Variants in UNKL observed in about 807,000 individuals in gnomAD.
UNKL encodes unk like zinc finger, also known as putative E3 ubiquitin-protein ligase UNKL.
A neutral mutation model predicts 78.0 loss-of-function variants in UNKL; 60 were observed. The ratio of observed to expected loss-of-function variants is 0.77; its 90% CI spans 0.63 to 0.95. The LOEUF is 0.95. UNKL is among the 40% of genes least tolerant of loss of function. The pLI is 0.00. For missense variants in UNKL, 1,159 were observed against 1,045.7 expected (o/e 1.11, Z -1.49); for synonymous variants, 608 against 474.8 (o/e 1.28, Z -3.65).
intron 4 of UNKL, among the ~76,000 whole-genome samples, chr16:1,400,505 G>A (rs2037478561): frequency 6.8e-6 from 1 of 148,118 alleles, no homozygotes; most frequent in Non-Finnish European, 1.5e-5. Context: ...GAGATGGGAT[G>A]CAGGCCAGTG....
chr16:1,405,328 G>A (rs1408715540), intron 2 of UNKL, among the ~76,000 whole-genome samples: 1 of 152,000 alleles, frequency 6.6e-6, no homozygotes, highest in Non-Finnish European at 1.5e-5. Flanking sequence ...GGGTACAGTG[G>A]CTCACGCCTG....
intron 2 of UNKL, among the ~76,000 whole-genome samples, chr16:1,407,097 C>T (rs1179806520): frequency 2.7e-5 from 4 of 149,902 alleles, no homozygotes; most frequent in African/African-American, 4.9e-5. Flanking sequence ...TGCAGTGAGC[C>T]GAGATCGTGT....
chr16:1,367,528 C>G (rs1187908046), intron 13 of UNKL, 128 bp downstream of exon 13: 1 of 916,046 alleles, frequency 1.1e-6, no homozygotes. Flanking sequence ...CCCGTCTCAC[C>G]CCCCACACGC....
At chr16:1,391,801 C>A (rs2037062546) in intron 8 of UNKL, among the ~76,000 whole-genome samples, 1 of 152,190 alleles carries the variant, frequency 6.6e-6, no homozygotes, top group African/African-American at 2.4e-5. Context: ...AATTCTCCTG[C>A]CTCAGCCTCT....
chr16:1,401,560 G>T lies in UNKL; in HGVS notation c.598+8C>A. 6.4e-7 allele frequency: 1 copy of T among 1,568,248 alleles called. No individual in the cohort carries two copies. The highest frequency in any genetic ancestry group is 8.7e-7 in the Non-Finnish European group (1 of 1,154,072). On this transcript the variant is annotated splice_region_variant and intron_variant, in intron 4 of 14. Coordinates refer to ENST00000389221, the MANE Select transcript of UNKL (RefSeq NM_001372107.1). Reference sequence around the variant, plus strand: ...CACCACCGCCCTCAGCTGCGGCCGTGGAGTTACCTTGCCACCGGGGGTCCT... The same window carrying T: ...CACCACCGCCCTCAGCTGCGGCCGTTGAGTTACCTTGCCACCGGGGGTCCT...
At chr16:1,401,987 TC>T (rs1159865058) in intron 3 of UNKL, among the ~76,000 whole-genome samples, 1 of 152,198 alleles carries the variant, frequency 6.6e-6, no homozygotes, top group East Asian at 1.9e-4. Flanking sequence ...AGTCTCCATC[TC>T]CCGGGCTCAA....
intron 4 of UNKL, chr16:1,401,301 G>A (rs2037513611): frequency 5.3e-6 from 2 of 375,022 alleles, no homozygotes; most frequent in Non-Finnish European, 9.3e-6. Flanking sequence ...CTACCTCCTC[G>A]GCCACTTGGT....
intron 9 of UNKL, among the ~76,000 whole-genome samples, chr16:1,390,012 A>T (rs1417586706): frequency 1.3e-5 from 2 of 152,060 alleles, no homozygotes; most frequent in Non-Finnish European, 2.9e-5. Context: ...TCAGAGACAG[A>T]GTCTCACAGT....
chr16:1,377,820 A>C (rs574980825), intron 10 of UNKL, among the ~76,000 whole-genome samples: 4 of 152,076 alleles, frequency 2.6e-5, no homozygotes, highest in Non-Finnish European at 5.9e-5. Context: ...CCACGTGTGC[A>C]GGGGCTGCTG....
At chr16:1,374,970 T>C (rs1252713709) in intron 10 of UNKL, among the ~76,000 whole-genome samples, 1 of 152,166 alleles carries the variant, frequency 6.6e-6, no homozygotes, top group Admixed American at 6.5e-5. Context: ...AACACAGCTG[T>C]GGGGCACGTG....
In UNKL at chr16:1,411,044, C is replaced by T. The variant is rs572005815; in HGVS notation, c.287+2802G>A. Among the ~76,000 whole-genome samples, 3 of 152,172 alleles carry T rather than the reference C, an allele frequency of 2.0e-5. No individual in the cohort carries two copies. The South Asian group carries it at 6.2e-4, about 32-fold the overall frequency. On this transcript the variant is annotated intron_variant, in intron 2 of 14. Coordinates refer to ENST00000389221, the MANE Select transcript of UNKL (RefSeq NM_001372107.1). ...GCCGGGTAACACAGCGAGACTCCATCTCTACAAAAAAATTAAAAATGAGCC... is the reference window on the plus strand; with the variant it reads ...GCCGGGTAACACAGCGAGACTCCATTTCTACAAAAAAATTAAAAATGAGCC...
intron 6 of UNKL, among the ~76,000 whole-genome samples, chr16:1,396,353 C>G (rs1008296895): frequency 2.6e-5 from 4 of 151,758 alleles, no homozygotes; most frequent in African/African-American, 9.7e-5. Context: ...CTCCCGGGTT[C>G]AAGCGATCCT....
At position 1,399,026 on chromosome 16, in the gene UNKL, C is replaced by T; in HGVS notation, c.734+348G>A. 1 of 1,443,078 alleles carries T rather than the reference C, an allele frequency of 6.9e-7. No homozygotes were observed. The highest frequency in any genetic ancestry group is 9.1e-7 in the Non-Finnish European group (1 of 1,097,458). 89.4% of individuals were successfully genotyped at this position (1,443,078 alleles called of 1,614,324 possible). A position where few individuals can be genotyped will look rare whatever the true frequency, so the allele number is the denominator to read the frequency against. On this transcript the variant is annotated intron_variant, in intron 5 of 14. Transcript: ENST00000389221. This position sits in a 1 kb window ranked among gnomAD's most constrained non-coding sequence, Gnocchi z 5.8. ...GAGGAGACAGCATGCAGCCCACAGG[C>T]TGGAGAGCGTGGCTGCAACCAGAGG... is the stretch of plus-strand genomic sequence containing the variant.
At chr16:1,370,432 G>A (rs369273703) in intron 11 of UNKL, 75 bp from the exon 12 acceptor site, 102 of 1,507,358 alleles carry the variant, frequency 6.8e-5, no homozygotes, top group East Asian at 4.0e-4. Flanking sequence ...GGCGGCAGCC[G>A]TGGAAGACGG....
chr16:1,392,515 A>C (rs1596725815), intron 8 of UNKL, among the ~76,000 whole-genome samples: 1 of 149,392 alleles, frequency 6.7e-6, no homozygotes, highest in African/African-American at 2.5e-5. Flanking sequence ...CCTCACCACA[A>C]CCTCCGTCTC....
Position 1,402,902 on chromosome 16 carries a change from G to A in UNKL, c.464+266C>T, listed in dbSNP as rs186258121. ...AGCTACTCGGGCAGCGGAGGCAGGAGAATGGTGTGAACCCAGGAGGCAGGG... is the reference window on the plus strand; with the variant it reads ...AGCTACTCGGGCAGCGGAGGCAGGAAAATGGTGTGAACCCAGGAGGCAGGG... On this transcript the variant is annotated intron_variant, in intron 3 of 14. Transcript: ENST00000389221. Among the ~76,000 whole-genome samples, 16 of 152,080 alleles carry A rather than the reference G, an allele frequency of 1.1e-4. No individual in the cohort carries two copies. In the East Asian group the frequency reaches 2.5e-3, roughly 24 times the overall value.
In UNKL at chr16:1,392,896, C is replaced by G. The variant is rs1239748028; in HGVS notation, c.1018G>C (p.Gly340Arg). The change falls in exon 8 of 15, where the codon GGA becomes CGA. Residue 340 changes from glycine (G) to arginine (R), a missense_variant. Coordinates refer to ENST00000389221, the MANE Select transcript of UNKL (RefSeq NM_001372107.1). Reference protein sequence around the residue: ...SPSSTGSGQPGNAKRRDSPAE... With the variant: ...SPSSTGSGQPRNAKRRDSPAE... The stretch of plus-strand genomic sequence containing the variant: ...TGGGAAGGCCGTTCACTTACATTTC[C>G]CGGCTGGCCGCTGCCCGTGGAGGAA... The G allele has an allele frequency of 3.9e-6, 6 of 1,550,482 alleles. No homozygotes were observed. Among genetic ancestry groups the G allele is most frequent in the African/African-American group, 1.4e-5 (1 of 73,066 alleles).
intron 10 of UNKL, among the ~76,000 whole-genome samples, chr16:1,372,116 T>C (rs1422933846): frequency 6.6e-6 from 1 of 150,482 alleles, no homozygotes; most frequent in East Asian, 1.9e-4. Flanking sequence ...TACAAAAAAT[T>C]AGCCAGGCGT....
rs576965849 is a variant in UNKL, at chr16:1,365,721, G to A, written c.*519C>T. 1 of 152,600 alleles carries A rather than the reference G, an allele frequency of 6.6e-6. No individual in the cohort carries two copies. The highest frequency in any genetic ancestry group is 1.5e-5 in the Non-Finnish European group (1 of 68,102). 9.5% of individuals were successfully genotyped at this position (152,600 alleles called of 1,614,324 possible). ...AAATCTAATATATTTAGCATACTAT[G>A]AATTGACAATAAACTGATATGAAAT... is the stretch of plus-strand genomic sequence containing the variant. On this transcript the variant is annotated 3_prime_UTR_variant, in exon 15 of 15. Transcript: ENST00000389221.
Sources: allele counts gnomAD v4.1 joint callset (sites outside exome capture counted in the v4.1 genomes callset), GRCh38; gene constraint gnomAD v4.1.1; non-coding constraint Gnocchi (gnomAD v3.1); transcripts MANE v1.5; gene names NCBI Gene and HGNC (gene_info 2026-07-23, HGNC 2026-07-21).